SYTL2: variants seen among roughly 807,000 people sequenced by gnomAD.
The protein encoded by SYTL2 is synaptotagmin-like protein 2.
In SYTL2, 165 loss-of-function variants were observed where a neutral mutation model predicts 198.7. The observed-to-expected ratio is 0.83, with a 90% CI of 0.73 to 0.94. SYTL2 has a LOEUF of 0.94. Ranked by LOEUF, SYTL2 falls within the 40% of genes least tolerant of loss-of-function variation. The pLI is 0.00. For missense variants in SYTL2, 2,835 were observed against 2,582.8 expected, an observed-to-expected ratio of 1.10 and a Z score of -2.12; for synonymous variants, 966 against 917.7, an observed-to-expected ratio of 1.05 and a Z score of -0.95.
At chr11:85,707,356 A>C (rs2085339159) in intron 15 of SYTL2, 73 bp downstream of exon 15, 1 of 969,012 alleles carries the variant, frequency 1.0e-6, no homozygotes, top group African/African-American at 1.6e-5. Context: ...TATCCTGTAG[A>C]GCTACTACCC....
chr11:85,736,001 T>A (rs2090310961), intron 6 of SYTL2, among the ~76,000 whole-genome samples: 1 of 152,178 alleles, frequency 6.6e-6, no homozygotes, highest in Admixed American at 6.5e-5. Flanking sequence ...CTCTTAACAG[T>A]ATATAAAAAT....
upstream of SYTL2, among the ~76,000 whole-genome samples, chr11:85,813,193 T>C (rs560570716): frequency 6.6e-6 from 1 of 152,246 alleles, no homozygotes; most frequent in East Asian, 1.9e-4. Flanking sequence ...ATCTAAATCT[T>C]GTATGGCTCA....
chr11:85,707,384 C>G (rs750448885), intron 15 of SYTL2, 45 bp downstream of exon 15: 1 of 1,328,246 alleles, frequency 7.5e-7, no homozygotes, highest in South Asian at 1.2e-5. Flanking sequence ...ACATGGTAAA[C>G]AGGTCACCAT....
In SYTL2 at chr11:85,725,022, C is replaced by G. The variant is rs1378563237; in HGVS notation, c.4336G>C (p.Val1446Leu). 2.5e-6 allele frequency: 4 copies of G among 1,614,022 alleles called. No individual in the cohort carries two copies. Among genetic ancestry groups the G allele is most frequent in the Admixed American group, 3.3e-5 (2 of 59,996 alleles). The change falls in exon 8 of 20, where the codon GTT becomes CTT. Residue 1446 changes from valine to leucine, a missense_variant. Transcript: ENST00000359152. ...SNVVPDKTHE[V>L]GSYLAAQMSP... ...ATTTGGGCAGCTAAATAAGATCCAA[C>G]TTCATGAGTTTTATCAGGAACTACA...
intron 10 of SYTL2, 182 bp from the exon 11 acceptor site, chr11:85,717,712 T>C (rs1273804456): frequency 1.6e-6 from 1 of 638,752 alleles, no homozygotes; most frequent in Non-Finnish European, 2.9e-6. Context: ...TAAGGTCTCC[T>C]GTTCAACTAA....
chr11:85,713,555 C>A (rs1195153138), intron 12 of SYTL2, among the ~76,000 whole-genome samples: 1 of 152,142 alleles, frequency 6.6e-6, no homozygotes, highest in East Asian at 1.9e-4. Flanking sequence ...ACTGCAAGAA[C>A]ATGGAATCTT....
intron 9 of SYTL2, 79 bp downstream of exon 9, chr11:85,720,779 G>A (rs561677487): frequency 1.3e-5 from 13 of 975,932 alleles, no homozygotes; most frequent in African/African-American, 3.2e-5. Context: ...ACAACAGCAC[G>A]CAGTGAGGCT....
In SYTL2 at chr11:85,726,328, T is replaced by C; in HGVS notation, c.3030A>G (p.Lys1010=). The change falls in exon 8 of 20, where the codon AAA becomes AAG. Residue 1010 remains lysine (K), a synonymous_variant. Coordinates refer to ENST00000359152, the MANE Select transcript of SYTL2 (RefSeq NM_206927.4). ...NDKNITTTSQ[K]NSAPFNRQKH... is the part of the protein sequence containing the mutation. Reference sequence around the variant, plus strand: ...TCTGCCTATTAAAAGGTGCAGAATTTTTTTGGCTTGTGGTGGTAATATTCT... The same window carrying C: ...TCTGCCTATTAAAAGGTGCAGAATTCTTTTGGCTTGTGGTGGTAATATTCT... The C allele has an allele frequency of 6.2e-7, 1 of 1,614,144 alleles. No individual in the cohort carries two copies. Among genetic ancestry groups the C allele is most frequent in the Non-Finnish European group, 8.5e-7 (1 of 1,180,010 alleles).
chr11:85,833,143 GAAGGAAGGAAGGA>G, the SYTL2 span, among the ~76,000 whole-genome samples: 1 of 117,544 alleles, frequency 8.5e-6, no homozygotes, highest in Admixed American at 8.4e-5. Context: ...AGGAAGGAAG[GAAGGAAGGAAGGA>G]AAGAAAGAAA....
rs1003548730 is a variant in SYTL2 at position 85,783,862 on chromosome 11, A to G, written c.-389-25748T>C. Among the ~76,000 whole-genome samples, 27 of 152,200 alleles carry G rather than the reference A, an allele frequency of 1.8e-4. 1 individual carries two copies. Among genetic ancestry groups the G allele is most frequent in the African/African-American group, 6.3e-4 (26 of 41,510 alleles). ...ATTCTCCAGGTGGCTTGGGTTGTAC[A>G]TTTTTCAGTCCTTGGCTCTTCTTGC... is the stretch of plus-strand genomic sequence containing the variant. On this transcript the variant is annotated intron_variant, in intron 1 of 19. Transcript: ENST00000359152.
At chr11:85,854,151 G>C in the SYTL2 span, 1 of 152,156 alleles carries the variant, frequency 6.6e-6, no homozygotes, top group Non-Finnish European at 1.5e-5. Flanking sequence ...TTACAAGCAT[G>C]AGCCACCGCG....
Position 85,726,885 on chromosome 11 carries a change from T to A in SYTL2, c.2473A>T (p.Lys825Ter). The A allele has an allele frequency of 6.5e-7, 1 of 1,536,694 alleles. No individual in the cohort carries two copies. The change falls in exon 8 of 20, where the codon AAA (lysine) becomes TAA (stop). Residue 825 changes from lysine to a stop codon, truncating the protein, a stop_gained. Transcript: ENST00000359152. LOFTEE classifies it high-confidence loss of function. Reference sequence around the variant, plus strand: ...GACTTCTTCACAGGCTGATATGCTTTAGCAGAAGGTTGTTCCTGGCTACAT... The same window carrying A: ...GACTTCTTCACAGGCTGATATGCTTAAGCAGAAGGTTGTTCCTGGCTACAT... Reference protein sequence around the residue: ...SSCSQEQPSAKAYQPVKKSQG... With the variant: ...SSCSQEQPSA
At chr11:85,799,999 G>A (rs919769024) in intron 1 of SYTL2, among the ~76,000 whole-genome samples, 3 of 152,162 alleles carry the variant, frequency 2.0e-5, no homozygotes, top group African/African-American at 7.2e-5. Flanking sequence ...AATAGCAAGA[G>A]ATTTTCTGTA....
chr11:85,845,308 TACA>T, the SYTL2 span, among the ~76,000 whole-genome samples: 4 of 152,242 alleles, frequency 2.6e-5, no homozygotes, highest in Admixed American at 1.3e-4. Flanking sequence ...CCTCATGAGT[TACA>T]ACAAGCTACA....
the SYTL2 span, among the ~76,000 whole-genome samples, chr11:85,825,917 G>A: frequency 3.3e-5 from 5 of 152,190 alleles, no homozygotes; most frequent in Non-Finnish European, 5.9e-5. Flanking sequence ...TAGATTGTAA[G>A]CTCCTTGGAA....
At chr11:85,706,904 G>T (rs767954860) in intron 15 of SYTL2, among the ~76,000 whole-genome samples, 1 of 152,090 alleles carries the variant, frequency 6.6e-6, no homozygotes, top group Admixed American at 6.5e-5. Context: ...GCAGTGGTGT[G>T]ATCTTGGCTC....
the SYTL2 span, among the ~76,000 whole-genome samples, chr11:85,826,198 T>C: frequency 1.3e-5 from 2 of 152,208 alleles, no homozygotes; most frequent in Non-Finnish European, 2.9e-5. Flanking sequence ...GTGATTCTTT[T>C]GACATTAAAC....
chr11:85,743,542 T>C (rs894272666), intron 4 of SYTL2, among the ~76,000 whole-genome samples: 6 of 152,150 alleles, frequency 3.9e-5, no homozygotes, highest in African/African-American at 1.4e-4. Flanking sequence ...TTGTTTCATT[T>C]AATCTCACAA....
chr11:85,849,287 T>C, the SYTL2 span, among the ~76,000 whole-genome samples: 1 of 148,086 alleles, frequency 6.8e-6, no homozygotes, highest in African/African-American at 2.6e-5. Flanking sequence ...AGAAGCTCTT[T>C]AGTTTAATTA....
Sources: gnomAD v4.1 joint callset for allele counts (sites outside exome capture counted in the v4.1 genomes callset) on GRCh38, gnomAD v4.1.1 for gene constraint, MANE v1.5 for transcripts, NCBI Gene and HGNC (gene_info 2026-07-23, HGNC 2026-07-21) for gene names.